The following BACH2 variants were observed in gnomAD, a reference collection of about 807,000 sequenced individuals.
The protein encoded by BACH2 is transcription regulator protein BACH2.
A neutral mutation model predicts 61.8 loss-of-function variants in BACH2; 5 were observed. That is an observed-to-expected ratio of 0.08 (90% CI 0.04 to 0.17). BACH2 has a LOEUF of 0.17. Among genes scored for constraint, BACH2 ranks in the 10% least tolerant of loss-of-function variants. The probability of loss-of-function intolerance (pLI) is 1.00; values close to 1 mark genes in which losing one functional copy is unlikely to be tolerated. For missense variants in BACH2, 824 were observed against 1,091.1 expected, an observed-to-expected ratio of 0.76 and a Z score of 3.45; for synonymous variants, 446 against 440.1, an observed-to-expected ratio of 1.01 and a Z score of -0.17.
In BACH2 at chr6:90,199,277, AAGG is replaced by A. The variant is rs1158848173; in HGVS notation, c.-162+7289_-162+7291del. 1.1e-4 allele frequency among the ~76,000 whole-genome samples: 16 copies of A among 152,288 alleles called. No individual in the cohort carries two copies. The East Asian group carries it at 2.7e-3, about 26-fold the overall frequency. The stretch of plus-strand genomic sequence containing the variant: ...GGAAATGTGTTTCTGGTTAGACAGA[AAGG>A]AGGAGAAGAGATGGGACTGACGTAG... On this transcript the variant is annotated intron_variant, in intron 4 of 8. Transcript: ENST00000257749.
chr6:89,934,687 G>C (rs1276538390), intron 8 of BACH2, among the ~76,000 whole-genome samples: 1 of 152,050 alleles, frequency 6.6e-6, no homozygotes, highest in Non-Finnish European at 1.5e-5. Flanking sequence ...TTGCGTGAGG[G>C]TGAGGGGAGG....
At chr6:90,088,603 G>A (rs1782028155) in intron 5 of BACH2, among the ~76,000 whole-genome samples, 1 of 152,118 alleles carries the variant, frequency 6.6e-6, no homozygotes, top group South Asian at 2.1e-4. Context: ...ATGAGTTAAA[G>A]CAGTGATTCT....
At position 90,031,778 on chromosome 6, in the gene BACH2, C is replaced by T. The variant is rs1490269255; in HGVS notation, c.-12-22922G>A. 2.6e-5 allele frequency among the ~76,000 whole-genome samples: 4 copies of T among 152,274 alleles called. No homozygotes were observed. In the East Asian group the frequency reaches 7.7e-4, roughly 29 times the overall value. On this transcript the variant is annotated intron_variant, in intron 5 of 8. Coordinates refer to ENST00000257749, the MANE Select transcript of BACH2 (RefSeq NM_021813.4). Reference sequence around the variant, plus strand: ...CAATATCATGAAAATGGCCATACTGCCCAAAGTAATTTATAGATTCAGTGC... The same window carrying T: ...CAATATCATGAAAATGGCCATACTGTCCAAAGTAATTTATAGATTCAGTGC...
At chr6:89,935,826 T>A (rs988922022) in intron 8 of BACH2, among the ~76,000 whole-genome samples, 5 of 152,084 alleles carry the variant, frequency 3.3e-5, no homozygotes, top group African/African-American at 9.7e-5. Flanking sequence ...TTAAGAGGAG[T>A]GCAGGGCACT....
At chr6:90,177,138 G>A (rs1354520374) in intron 4 of BACH2, among the ~76,000 whole-genome samples, 1 of 152,080 alleles carries the variant, frequency 6.6e-6, no homozygotes, top group Non-Finnish European at 1.5e-5. Context: ...AAAAATCTGT[G>A]CAACACTTCA....
intron 2 of BACH2, among the ~76,000 whole-genome samples, chr6:90,264,315 T>C (rs1771257885): frequency 6.6e-6 from 1 of 152,152 alleles, no homozygotes; most frequent in Non-Finnish European, 1.5e-5. Flanking sequence ...TGAAAGTAAG[T>C]CTGCAACTTA....
intron 1 of BACH2, among the ~76,000 whole-genome samples, chr6:90,294,950 G>A (rs778042991): frequency 6.6e-5 from 10 of 152,228 alleles, no homozygotes; most frequent in Non-Finnish European, 1.0e-4. Context: ...CTCCGCCAAG[G>A]TTCCCACTAG....
At chr6:90,022,181 T>C (rs1778410144) in intron 5 of BACH2, among the ~76,000 whole-genome samples, 1 of 152,242 alleles carries the variant, frequency 6.6e-6, no homozygotes, top group Admixed American at 6.5e-5. Flanking sequence ...TTGTTATTAT[T>C]GCTGCTTGTT....
intron 5 of BACH2, among the ~76,000 whole-genome samples, chr6:90,060,455 T>TA (rs1472421167): frequency 2.6e-5 from 4 of 152,190 alleles, no homozygotes; most frequent in Admixed American, 1.3e-4. Flanking sequence ...AATTTTTTTT[T>TA]ATTACTGAAG....
At chr6:90,177,105 C>T (rs10806423) in intron 4 of BACH2, among the ~76,000 whole-genome samples, 36,245 of 152,078 alleles carry the variant, frequency 0.24, 5,681 homozygotes, top group Non-Finnish European at 0.35. Context: ...TCTTTGCCTG[C>T]CTTAACACTA....
chr6:90,030,300 G>C (rs113278102), intron 5 of BACH2, among the ~76,000 whole-genome samples: 1 of 152,144 alleles, frequency 6.6e-6, no homozygotes, highest in African/African-American at 2.4e-5. Flanking sequence ...GAATGTGACA[G>C]CGACCACAGC....
chr6:89,969,785 C>T (rs1027243960), intron 6 of BACH2, among the ~76,000 whole-genome samples: 1 of 152,074 alleles, frequency 6.6e-6, no homozygotes, highest in Non-Finnish European at 1.5e-5. Context: ...GCTCGGAAAA[C>T]CATGGAGCAA....
chr6:90,002,743 C>T (rs1486264742), intron 6 of BACH2, among the ~76,000 whole-genome samples: 1 of 152,182 alleles, frequency 6.6e-6, no homozygotes, highest in Non-Finnish European at 1.5e-5. Context: ...GGACTCCAGC[C>T]TGAGCAACAC....
chr6:90,100,380 T>C (rs895300468), intron 4 of BACH2, among the ~76,000 whole-genome samples: 3 of 152,154 alleles, frequency 2.0e-5, no homozygotes, highest in African/African-American at 7.2e-5. Context: ...TCAAACATGT[T>C]TGGGTGTCGT....
chr6:90,222,756 G>C (rs978944911), intron 3 of BACH2, among the ~76,000 whole-genome samples: 7 of 152,050 alleles, frequency 4.6e-5, no homozygotes, highest in African/African-American at 1.4e-4. Context: ...CTTGCCCCTA[G>C]TTTCAGTAAA....
intron 5 of BACH2, among the ~76,000 whole-genome samples, chr6:90,049,004 C>A (rs542066469): frequency 4.6e-4 from 70 of 152,192 alleles, no homozygotes; most frequent in African/African-American, 1.6e-3. Context: ...ATGGGGAACT[C>A]AAAAGTTCCT....
chr6:90,110,325 T>C (rs1345081022), intron 4 of BACH2, among the ~76,000 whole-genome samples: 1 of 152,240 alleles, frequency 6.6e-6, no homozygotes, highest in Non-Finnish European at 1.5e-5. Flanking sequence ...TAAACTTTTT[T>C]TACTTTGTTA....
At chr6:90,063,345 A>T (rs1440200646) in intron 5 of BACH2, among the ~76,000 whole-genome samples, 1 of 152,144 alleles carries the variant, frequency 6.6e-6, no homozygotes, top group African/African-American at 2.4e-5. Flanking sequence ...AATCATTCTA[A>T]TTTTTCCTAA....
chr6:90,249,780 A>C (rs922039731), intron 3 of BACH2, among the ~76,000 whole-genome samples: 1 of 152,176 alleles, frequency 6.6e-6, no homozygotes, highest in Non-Finnish European at 1.5e-5. Flanking sequence ...GAAAAACAAA[A>C]TGAAACAAAA....
Sources: allele counts gnomAD v4.1 joint callset (sites outside exome capture counted in the v4.1 genomes callset), GRCh38; gene constraint gnomAD v4.1.1; transcripts MANE v1.5; gene names NCBI Gene and HGNC (gene_info 2026-07-23, HGNC 2026-07-21).